Variants in RNF213 observed in about 807,000 individuals in gnomAD.
The protein encoded by RNF213 is ring finger protein 213, also known as E3 ubiquitin-protein ligase RNF213.
A neutral mutation model predicts 514.4 loss-of-function variants in RNF213; 341 were observed. The observed-to-expected ratio is 0.66, with a 90% CI of 0.61 to 0.73. The LOEUF (loss-of-function observed/expected upper bound fraction) is 0.73, where lower values mean the gene tolerates loss of function less well. Among genes scored for constraint, RNF213 ranks in the 30% least tolerant of loss-of-function variants. The probability of loss-of-function intolerance (pLI) is 0.00; values close to 1 mark genes in which losing one functional copy is unlikely to be tolerated. For missense variants in RNF213, 5,767 were observed against 6,615.6 expected (o/e 0.87, Z 4.45); for synonymous variants, 2,655 against 2,658.2 (o/e 1.00, Z 0.04).
rs758341034 is a variant in RNF213 at position 80,388,639 on chromosome 17, G to A, written c.14950G>A (p.Asp4984Asn). 4.3e-6 allele frequency: 7 copies of A among 1,612,694 alleles called. No individual in the cohort carries two copies. Among genetic ancestry groups the A allele is most frequent in the African/African-American group, 1.3e-5 (1 of 74,876 alleles). ...AATACCCACTCTGGTGTACAGACAC[G>A]ACTGGAACTATGAACATCTCTTTAT... ...KGIPTLVYRHDWNYEHLFMDI... is the reference protein window; with the variant it reads ...KGIPTLVYRHNWNYEHLFMDI... The change falls in exon 64 of 68, where the codon GAC (aspartate) becomes AAC (asparagine). Residue 4984 changes from aspartate (D) to asparagine (N), a missense_variant. Physicochemically the swap from Asp to Asn is conservative, Grantham distance 23. Transcript: ENST00000582970.
At chr17:80,277,548 A>C (rs570240552) in intron 3 of RNF213, among the ~76,000 whole-genome samples, 7 of 144,412 alleles carry the variant, frequency 4.8e-5, no homozygotes, top group Non-Finnish European at 3.0e-5. Flanking sequence ...CAGTGAGCCG[A>C]GATTGAGACA....
chr17:80,321,881 A>T (rs1187108034), intron 17 of RNF213, among the ~76,000 whole-genome samples: 1 of 152,068 alleles, frequency 6.6e-6, no homozygotes, highest in Non-Finnish European at 1.5e-5. Flanking sequence ...ATGTGCCACC[A>T]TGCCCAGCTA....
At chr17:80,296,460 G>A (rs1253087355) in intron 10 of RNF213, among the ~76,000 whole-genome samples, 3 of 152,166 alleles carry the variant, frequency 2.0e-5, no homozygotes, top group Non-Finnish European at 2.9e-5. Context: ...TTCTCCCCAT[G>A]CCCCTGCCTG....
chr17:80,308,539 T>A (rs768436713), intron 13 of RNF213, among the ~76,000 whole-genome samples: 2 of 151,878 alleles, frequency 1.3e-5, no homozygotes, highest in Non-Finnish European at 2.9e-5. Flanking sequence ...ACCGAGTCCC[T>A]CCTAAGGCTC....
chr17:80,386,705 C>A lies in RNF213; in HGVS notation c.14736C>A (p.Ala4912=), dbSNP rs775082457. The part of the protein sequence containing the change: ...SKENNSYSVD[A]AEVTELHVIS... The stretch of plus-strand genomic sequence containing the variant: ...TGCCCCTCAGCTATTCCGTGGATGC[C>A]GCCGAGGTCACTGAACTGCATGTCA... The change falls in exon 63 of 68, where the codon GCC becomes GCA. Residue 4912 remains alanine (A), a synonymous_variant. Transcript: ENST00000582970. The A allele has an allele frequency of 6.2e-7, 1 of 1,614,194 alleles. No individual in the cohort carries two copies. Among genetic ancestry groups the A allele is most frequent in the Non-Finnish European group, 8.5e-7 (1 of 1,180,030 alleles).
intron 44 of RNF213, among the ~76,000 whole-genome samples, chr17:80,368,439 T>TG (rs1245914568): frequency 2.6e-5 from 4 of 151,368 alleles, no homozygotes; most frequent in African/African-American, 4.9e-5. Flanking sequence ...CAGTGTTTTT[T>TG]TTTTTTTTTT....
intron 13 of RNF213, among the ~76,000 whole-genome samples, chr17:80,308,245 C>A (rs2045441128): frequency 6.6e-6 from 1 of 152,052 alleles, no homozygotes; most frequent in Non-Finnish European, 1.5e-5. Flanking sequence ...GATGTTGATC[C>A]AGCACCTGTG....
chr17:80,261,121 G>A (rs112597118), intron 1 of RNF213, among the ~76,000 whole-genome samples: 22,542 of 151,976 alleles, frequency 0.15, 2,607 homozygotes, highest in African/African-American at 0.3. Context: ...CTGCGGGAGG[G>A]GTCGGGGTGG....
At chr17:80,308,148 G>A (rs1219857160) in intron 13 of RNF213, among the ~76,000 whole-genome samples, 1 of 152,100 alleles carries the variant, frequency 6.6e-6, no homozygotes, top group Non-Finnish European at 1.5e-5. Flanking sequence ...GTGCCAGTGA[G>A]CGATGGGATG....
At chr17:80,313,618 T>A (rs1360398107) in intron 15 of RNF213, among the ~76,000 whole-genome samples, 2 of 63,096 alleles carry the variant, frequency 3.2e-5, no homozygotes, top group Non-Finnish European at 3.5e-5. Flanking sequence ...GTGATGGTGA[T>A]TGTGGTGGAG....
At chr17:80,306,567 A>G (rs2045365609) in intron 12 of RNF213, 99 bp downstream of exon 12, 2 of 1,274,090 alleles carry the variant, frequency 1.6e-6, no homozygotes, top group South Asian at 2.5e-5. Context: ...AAAAACAGAC[A>G]GTGGGCTGGG....
Position 80,353,706 on chromosome 17 carries a change from T to C in RNF213, c.10578+40T>C. 6.2e-7 allele frequency: 1 copy of C among 1,613,340 alleles called. No homozygotes were observed. Among genetic ancestry groups the C allele is most frequent in the Non-Finnish European group, 8.5e-7 (1 of 1,179,286 alleles). ...TTGGGACCTCCCCTTGTGCTGCTGG[T>C]GATGCTTCTGAGCTGCATCTTTAAA... On this transcript the variant is annotated intron_variant, in intron 34 of 67. Transcript: ENST00000582970. The surrounding 1 kb of genome is among the most constrained non-coding windows in gnomAD (Gnocchi z 5.0).
chr17:80,381,320 G>T, intron 56 of RNF213: 1 of 616,872 alleles, frequency 1.6e-6, no homozygotes, highest in Non-Finnish European at 2.9e-6. Context: ...TAACCAAGAT[G>T]GCCAACAGTA....
intron 3 of RNF213, chr17:80,279,032 G>C: frequency 1.5e-6 from 2 of 1,348,426 alleles, no homozygotes; most frequent in Non-Finnish European, 2.0e-6. Context: ...GGCTGCCCAG[G>C]ATGGGCGTTT....
rs1473818307 is a variant in RNF213 at position 80,394,718 on chromosome 17, C to T, written c.*1220C>T. On this transcript the variant is annotated 3_prime_UTR_variant, in exon 68 of 68. Coordinates refer to ENST00000582970, the MANE Select transcript of RNF213 (RefSeq NM_001256071.3). ...CTTGTCCAGGACTCAGCCATGCACA[C>T]CTTGAGCAGCGCCGGCAGGAGGCAC... is the stretch of plus-strand genomic sequence containing the variant. 3.3e-5 allele frequency: 5 copies of T among 152,190 alleles called. No homozygotes were observed. The East Asian group carries it at 7.7e-4, about 23-fold the overall frequency. 9.4% of individuals were successfully genotyped at this position (152,190 alleles called of 1,614,324 possible).
chr17:80,327,129 C>T (rs1054284257), intron 18 of RNF213, among the ~76,000 whole-genome samples: 4 of 152,194 alleles, frequency 2.6e-5, no homozygotes, highest in Non-Finnish European at 4.4e-5. Context: ...TCTGCATCCT[C>T]TGGTGCAGTT....
At position 80,340,189 on chromosome 17, in the gene RNF213, C is replaced by A. The variant is rs751512678; in HGVS notation, c.5822C>A (p.Ser1941Tyr). The A allele has an allele frequency of 6.2e-7, 1 of 1,614,172 alleles. No individual in the cohort carries two copies. The highest frequency in any genetic ancestry group is 1.1e-5 in the South Asian group (1 of 91,088). The stretch of plus-strand genomic sequence containing the variant: ...GACTGGGAGCACTGCTACCTCCCCT[C>A]TGCCTTCAGCCAGCACAAGGTCTTC... ...DGDWEHCYLP[S>Y]AFSQHKVFVT... The change falls in exon 26 of 68, where the codon TCT becomes TAT. Residue 1941 changes from serine (S) to tyrosine (Y), a missense_variant. By Grantham distance (144) the Ser-to-Tyr change is moderately radical. Coordinates refer to ENST00000582970, the MANE Select transcript of RNF213 (RefSeq NM_001256071.3).
chr17:80,353,494 C>T lies in RNF213; in HGVS notation c.10424-18C>T, dbSNP rs751339941. 7 of 1,598,190 alleles carry T rather than the reference C, an allele frequency of 4.4e-6. No individual in the cohort carries two copies. The South Asian group carries it at 4.5e-5, about 10-fold the overall frequency. Reference sequence around the variant, plus strand: ...CACCTTCTGAGTGGTAACGCAATCACGTTTGCTTCGACTGCAGTGGGCTTG... The same window carrying T: ...CACCTTCTGAGTGGTAACGCAATCATGTTTGCTTCGACTGCAGTGGGCTTG... On this transcript the variant is annotated intron_variant, in intron 33 of 67. Transcript: ENST00000582970. This position sits in a 1 kb window ranked among gnomAD's most constrained non-coding sequence, Gnocchi z 5.0.
chr17:80,283,287 G>C (rs2044360835), intron 3 of RNF213, among the ~76,000 whole-genome samples: 1 of 152,148 alleles, frequency 6.6e-6, no homozygotes, highest in South Asian at 2.1e-4. Flanking sequence ...CACACGGGAA[G>C]AGCTGAGGGG....
Sources: gnomAD v4.1 joint callset for allele counts (sites outside exome capture counted in the v4.1 genomes callset) on GRCh38, gnomAD v4.1.1 for gene constraint, Gnocchi (gnomAD v3.1) non-coding constraint, MANE v1.5 for transcripts, NCBI Gene and HGNC (gene_info 2026-07-23, HGNC 2026-07-21) for gene names.